STXBP5: variants seen among roughly 807,000 people sequenced by gnomAD.
STXBP5 encodes syntaxin-binding protein 5.
A neutral mutation model predicts 152.4 loss-of-function variants in STXBP5; 50 were observed. The ratio of observed to expected loss-of-function variants is 0.33; its 90% CI spans 0.26 to 0.42. The LOEUF (loss-of-function observed/expected upper bound fraction) is 0.42. Among genes scored for constraint, STXBP5 ranks in the 10% least tolerant of loss-of-function variants. STXBP5 has a pLI of 1.00. For synonymous variants in STXBP5, 492 were observed against 494.7 expected (o/e 0.99, Z 0.07); for missense variants, 1,167 against 1,388.6 (o/e 0.84, Z 2.54).
At chr6:147,299,126 A>G (rs924242679) in intron 9 of STXBP5, among the ~76,000 whole-genome samples, 7 of 151,982 alleles carry the variant, frequency 4.6e-5, no homozygotes. Flanking sequence ...TAGTAAGATT[A>G]AGAAAAAGAG....
At chr6:147,208,443 CA>C (rs2115019619) in intron 2 of STXBP5, among the ~76,000 whole-genome samples, 1 of 152,216 alleles carries the variant, frequency 6.6e-6, no homozygotes, top group Admixed American at 6.5e-5. Flanking sequence ...TGAAACTGGA[CA>C]CCTAAATTCC....
chr6:147,329,186 T>A (rs1456555590), intron 18 of STXBP5, among the ~76,000 whole-genome samples: 2 of 150,624 alleles, frequency 1.3e-5, no homozygotes, highest in Non-Finnish European at 3.0e-5. Context: ...AGAGACTGAT[T>A]TTTACCATCT....
At chr6:147,338,742 T>TTAAACTATATATA (rs1435840473) in intron 19 of STXBP5, among the ~76,000 whole-genome samples, 2 of 151,894 alleles carry the variant, frequency 1.3e-5, no homozygotes, top group Non-Finnish European at 2.9e-5. Context: ...ATATATAGTT[T>TTAAACTATATATA]TAAACTGTCA....
intron 22 of STXBP5, among the ~76,000 whole-genome samples, chr6:147,357,242 A>T (rs1040125728): frequency 6.6e-6 from 1 of 152,102 alleles, no homozygotes; most frequent in African/African-American, 2.4e-5. Flanking sequence ...GTTGACAGTA[A>T]CTGAAGTGGA....
At chr6:147,321,508 A>G (rs893116993) in intron 16 of STXBP5, among the ~76,000 whole-genome samples, 1 of 152,164 alleles carries the variant, frequency 6.6e-6, no homozygotes, top group Non-Finnish European at 1.5e-5. Context: ...CAGGAGTTCA[A>G]GGTCACAGTG....
At chr6:147,368,792 A>C (rs918964825) in intron 25 of STXBP5, among the ~76,000 whole-genome samples, 2 of 152,072 alleles carry the variant, frequency 1.3e-5, no homozygotes, top group African/African-American at 4.8e-5. Flanking sequence ...TTTTATTTCT[A>C]TATATTAGCA....
In STXBP5 at chr6:147,211,343, AC is replaced by A. The variant is rs547975032; in HGVS notation, c.248+5277del. ...AAAAAAAAAGGTTGTGTTCTTCTCAACCACAAGTTTTCAAAATTGCTACTTA... is the reference window on the plus strand; with the variant it reads ...AAAAAAAAAGGTTGTGTTCTTCTCAACACAAGTTTTCAAAATTGCTACTTA... On this transcript the variant is annotated intron_variant, in intron 2 of 27. Transcript: ENST00000321680. 8.5e-4 allele frequency among the ~76,000 whole-genome samples: 129 copies of A among 152,058 alleles called. 1 individual carries two copies. Among genetic ancestry groups the A allele is most frequent in the African/African-American group, 3.0e-3 (125 of 41,470 alleles).
At chr6:147,282,197 A>G (rs769185714) in intron 8 of STXBP5, among the ~76,000 whole-genome samples, 4 of 152,324 alleles carry the variant, frequency 2.6e-5, no homozygotes, top group East Asian at 1.9e-4. Flanking sequence ...CACAAAGACT[A>G]GTTTTTCTTA....
chr6:147,311,484 C>G lies in STXBP5; in HGVS notation c.1102C>G (p.Leu368Val). ...DFQEPYAVVVLLEKDLVLIDL... is the reference protein window; with the variant it reads ...DFQEPYAVVVVLEKDLVLIDL... ...TCAAGAACCATATGCTGTGGTTGTT[C>G]TTCTAGAAAAGGATTTAGTACTTAT... The change falls in exon 11 of 28, where the codon CTT becomes GTT. Residue 368 changes from leucine to valine, a missense_variant. By Grantham distance (32) the Leu-to-Val change is conservative. Transcript: ENST00000321680. 4 of 1,612,028 alleles carry G rather than the reference C, an allele frequency of 2.5e-6. No individual in the cohort carries two copies. Among genetic ancestry groups the G allele is most frequent in the Non-Finnish European group, 3.4e-6 (4 of 1,179,124 alleles).
rs1269634562 is a variant in STXBP5 at position 147,385,646 on chromosome 6, A to C, written c.*891A>C. 1 of 152,128 alleles carries C rather than the reference A, an allele frequency of 6.6e-6. No homozygotes were observed. Among genetic ancestry groups the C allele is most frequent in the African/African-American group, 2.4e-5 (1 of 41,438 alleles). 9.4% of individuals were successfully genotyped at this position (152,128 alleles called of 1,614,324 possible). A position where few individuals can be genotyped will look rare whatever the true frequency, so the allele number is the denominator to read the frequency against. On this transcript the variant is annotated 3_prime_UTR_variant, in exon 28 of 28. Transcript: ENST00000321680. The stretch of plus-strand genomic sequence containing the variant: ...GCTGGTTAAATTTGTAGAAATGTTG[A>C]AATTGGCTGTGTTTTAAATTTTGCT...
At position 147,353,305 on chromosome 6, in the gene STXBP5, A is replaced by G. The variant is rs1784672335; in HGVS notation, c.2255-18A>G. On this transcript the variant is annotated intron_variant, in intron 21 of 27. Coordinates refer to ENST00000321680, the MANE Select transcript of STXBP5 (RefSeq NM_001127715.4). ...TCAAATATTCTTCAGAATTTTAAAA[A>G]TGTCTTTTATTTTTCAGCAAAGATG... is the stretch of plus-strand genomic sequence containing the variant. 4.5e-6 allele frequency: 7 copies of G among 1,546,190 alleles called. No homozygotes were observed. Among genetic ancestry groups the G allele is most frequent in the African/African-American group, 1.4e-5 (1 of 72,570 alleles).
intron 9 of STXBP5, among the ~76,000 whole-genome samples, chr6:147,294,379 T>A (rs1331154683): frequency 1.3e-5 from 2 of 152,076 alleles, no homozygotes; most frequent in East Asian, 3.9e-4. Context: ...CCTACCTCAT[T>A]GAGTTGTTAA....
chr6:147,366,029 C>G (rs932814402), intron 25 of STXBP5, among the ~76,000 whole-genome samples: 2 of 152,116 alleles, frequency 1.3e-5, no homozygotes, highest in Non-Finnish European at 2.9e-5. Context: ...GGTGTCCCAG[C>G]TTTAATGCCT....
intron 2 of STXBP5, among the ~76,000 whole-genome samples, chr6:147,231,140 A>G (rs1300488753): frequency 6.6e-6 from 1 of 151,616 alleles, no homozygotes; most frequent in African/African-American, 2.4e-5. Flanking sequence ...GTTTCTGTTC[A>G]TGTGTCCTGT....
At chr6:147,379,901 A>G (rs1207291898) in intron 26 of STXBP5, among the ~76,000 whole-genome samples, 2 of 152,158 alleles carry the variant, frequency 1.3e-5, no homozygotes, top group African/African-American at 4.8e-5. Flanking sequence ...AGTATCAAAA[A>G]ATAAGCCACT....
At chr6:147,342,304 A>C (rs1327326905) in intron 21 of STXBP5, among the ~76,000 whole-genome samples, 2 of 152,188 alleles carry the variant, frequency 1.3e-5, no homozygotes, top group Non-Finnish European at 2.9e-5. Context: ...TAGCTAGAGC[A>C]AACTCTGGAG....
intron 22 of STXBP5, among the ~76,000 whole-genome samples, chr6:147,356,694 T>C (rs1784829328): frequency 6.6e-6 from 1 of 152,104 alleles, no homozygotes; most frequent in Non-Finnish European, 1.5e-5. Context: ...ATGTTGCATA[T>C]AGTTATTGGG....
chr6:147,260,307 G>C (rs1388096008), intron 4 of STXBP5, among the ~76,000 whole-genome samples: 5 of 151,880 alleles, frequency 3.3e-5, no homozygotes, highest in African/African-American at 1.2e-4. Context: ...ATAGCTTATG[G>C]CCTAAAGGGT....
At position 147,272,776 on chromosome 6, in the gene STXBP5, A is replaced by G. The variant is rs564121755; in HGVS notation, c.715-5305A>G. Among the ~76,000 whole-genome samples the G allele has an allele frequency of 9.2e-5, 14 of 152,248 alleles. No homozygotes were observed. The South Asian group carries it at 2.7e-3, about 29-fold the overall frequency. On this transcript the variant is annotated intron_variant, in intron 7 of 27. Coordinates refer to ENST00000321680, the MANE Select transcript of STXBP5 (RefSeq NM_001127715.4). ...AGTTCTACTCAGTACAGCTTTAATT[A>G]TTTATTTAATCTCTTGAGGGTGATT... is the stretch of plus-strand genomic sequence containing the variant.
Sources: allele counts gnomAD v4.1 joint callset (sites outside exome capture counted in the v4.1 genomes callset), GRCh38; gene constraint gnomAD v4.1.1; transcripts MANE v1.5; gene names NCBI Gene and HGNC (gene_info 2026-07-23, HGNC 2026-07-21).